EPM2A: variants seen among roughly 807,000 people sequenced by gnomAD.
EPM2A encodes the protein EPM2A glucan phosphatase, laforin.
A neutral mutation model predicts 26.5 loss-of-function variants in EPM2A; 21 were observed. The observed-to-expected ratio is 0.79, with a 90% CI of 0.56 to 1.14. EPM2A has a LOEUF of 1.14. Among genes scored for constraint, EPM2A ranks in the 50% most tolerant of loss-of-function variants. EPM2A has a pLI of 0.00. For missense variants in EPM2A, 458 were observed against 440.8 expected (o/e 1.04, Z -0.35); for synonymous variants, 217 against 177.6 (o/e 1.22, Z -1.76).
At chr6:145,554,823 A>G (rs1369100653) in intron 2 of EPM2A, among the ~76,000 whole-genome samples, 2 of 152,088 alleles carry the variant, frequency 1.3e-5, no homozygotes, top group Admixed American at 6.6e-5. Context: ...CATAGCTCAT[A>G]TGATTATAGG....
chr6:145,439,935 GT>G (rs1469892406), intron 4 of EPM2A, among the ~76,000 whole-genome samples: 1 of 152,148 alleles, frequency 6.6e-6, no homozygotes, highest in Non-Finnish European at 1.5e-5. Context: ...ATCTTTCAGA[GT>G]TTTTATAGAT....
chr6:145,495,811 G>A (rs1462711720), intron 4 of EPM2A, among the ~76,000 whole-genome samples: 9 of 152,268 alleles, frequency 5.9e-5, no homozygotes, highest in African/African-American at 7.2e-5. Flanking sequence ...TCCTGACCTC[G>A]TGATCTGCCC....
intron 2 of EPM2A, among the ~76,000 whole-genome samples, chr6:145,512,471 T>C (rs1780067496): frequency 6.6e-6 from 1 of 151,460 alleles, no homozygotes; most frequent in Admixed American, 6.6e-5. Context: ...TCCCAGCACT[T>C]TGGGAGCCAA....
In EPM2A at chr6:145,400,736, A is replaced by G. The variant is rs76021539; in HGVS notation, c.556-16639T>C. On this transcript the variant is annotated intron_variant, in intron 4 of 4. Transcript: ENST00000638717. ...ATGCATGTACATGACTTTCTATGTA[A>G]ATATTCATAGCTCCTCCTATAACCT... Among the ~76,000 whole-genome samples the G allele has an allele frequency of 1.9e-3, 284 of 152,316 alleles. 1 individual carries two copies. The highest frequency in any genetic ancestry group is 6.5e-3 in the African/African-American group (272 of 41,576).
rs1039433401 is a variant in EPM2A at position 145,455,762 on chromosome 6, T to G, written c.555+46760A>C. The stretch of plus-strand genomic sequence containing the variant: ...ATTCGTTGATAACAAGATAGTCATT[T>G]GTTTCATATTCTGAAGGTTTACTGG... On this transcript the variant is annotated intron_variant, in intron 4 of 4. Transcript: ENST00000638717. 2.0e-5 allele frequency among the ~76,000 whole-genome samples: 3 copies of G among 152,250 alleles called. No individual in the cohort carries two copies. The East Asian group carries it at 5.8e-4, about 29-fold the overall frequency.
At chr6:145,572,543 G>A (rs189732573) in intron 2 of EPM2A, among the ~76,000 whole-genome samples, 9 of 152,298 alleles carry the variant, frequency 5.9e-5, no homozygotes, top group Admixed American at 5.9e-4. Flanking sequence ...GTGACGTGAT[G>A]ACCCATATGC....
chr6:145,592,499 G>T (rs1340350249), intron 2 of EPM2A, among the ~76,000 whole-genome samples: 1 of 152,136 alleles, frequency 6.6e-6, no homozygotes, highest in African/African-American at 2.4e-5. Context: ...ATAGCAGCAT[G>T]ATTTATAATC....
chr6:145,677,337 G>A (rs1295502183), intron 2 of EPM2A, among the ~76,000 whole-genome samples: 2 of 152,140 alleles, frequency 1.3e-5, no homozygotes, highest in African/African-American at 4.8e-5. Context: ...TACTGAATGG[G>A]CAAAAATTGG....
chr6:145,600,537 T>C (rs781522061), intron 2 of EPM2A, among the ~76,000 whole-genome samples: 1 of 152,230 alleles, frequency 6.6e-6, no homozygotes, highest in Non-Finnish European at 1.5e-5. Flanking sequence ...TGTAGGTTAC[T>C]GGCAATGGTA....
Position 145,433,443 on chromosome 6 carries a change from A to G in EPM2A, c.556-49346T>C, listed in dbSNP as rs1778946998. The stretch of plus-strand genomic sequence containing the variant: ...TTCTTAGCTTTTCTTTTTATTCTGT[A>G]TACTCCTTTCATACCTTCTTTTGGA... On this transcript the variant is annotated intron_variant, in intron 4 of 4. Coordinates refer to the EPM2A transcript ENST00000638717. Among the ~76,000 whole-genome samples the G allele has an allele frequency of 5.3e-5, 8 of 152,060 alleles. 1 individual carries two copies. The highest frequency in any genetic ancestry group is 3.9e-4 in the Admixed American group (6 of 15,272).
At chr6:145,723,279 C>A (rs1338592024) in intron 1 of EPM2A, among the ~76,000 whole-genome samples, 1 of 152,030 alleles carries the variant, frequency 6.6e-6, no homozygotes, top group Admixed American at 6.6e-5. Flanking sequence ...AATATAAAAC[C>A]TCACCCAGAG....
chr6:145,455,385 T>C (rs551383401), intron 4 of EPM2A, among the ~76,000 whole-genome samples: 2 of 152,264 alleles, frequency 1.3e-5, no homozygotes, highest in East Asian at 3.9e-4. Flanking sequence ...TGAGACCGAG[T>C]CTCACTCTGT....
chr6:145,653,681 C>T (rs952549361), intron 2 of EPM2A, among the ~76,000 whole-genome samples: 5 of 152,262 alleles, frequency 3.3e-5, no homozygotes, highest in African/African-American at 1.2e-4. Flanking sequence ...AGCTGGAGAT[C>T]CAGGGAAGAG....
chr6:145,590,128 G>T (rs1352597654), intron 2 of EPM2A, among the ~76,000 whole-genome samples: 1 of 152,116 alleles, frequency 6.6e-6, no homozygotes, highest in Middle Eastern at 3.4e-3. Flanking sequence ...TTGACAACTT[G>T]CTGTAGACTA....
chr6:145,657,805 C>T (rs1338179632), intron 2 of EPM2A, among the ~76,000 whole-genome samples: 1 of 152,166 alleles, frequency 6.6e-6, no homozygotes, highest in Admixed American at 6.5e-5. Context: ...AAAAAATTAT[C>T]ATTTCACTTT....
chr6:145,692,034 G>C (rs962152882), intron 1 of EPM2A, among the ~76,000 whole-genome samples: 17 of 151,814 alleles, frequency 1.1e-4, no homozygotes, highest in African/African-American at 3.9e-4. Flanking sequence ...CATAGAAAAA[G>C]ATATACTATG....
intron 1 of EPM2A, among the ~76,000 whole-genome samples, chr6:145,732,236 TGC>T (rs1554269057): frequency 0.075 from 9,940 of 132,030 alleles, 496 homozygotes; most frequent in African/African-American, 0.14. Flanking sequence ...TGTGTGTGTG[TGC>T]GCGCCAAAGT....
At position 145,596,877 on chromosome 6, in the gene EPM2A, C is replaced by CTTTTTT. The variant is rs869211299; in HGVS notation, c.340+38362_340+38367dup. On this transcript the variant is annotated intron_variant, in intron 2 of 3. Coordinates refer to the EPM2A transcript ENST00000450221. ...ACGTTGTATATGCTCTCTCCGAGATCTTTTTTTTTTTTTTTTTTTTTTTTT... is the reference window on the plus strand; with the variant it reads ...ACGTTGTATATGCTCTCTCCGAGATCTTTTTTTTTTTTTTTTTTTTTTTTTTTTTTT... Among the ~76,000 whole-genome samples the CTTTTTT allele has an allele frequency of 8.2e-5, 6 of 73,528 alleles. 1 individual carries two copies. Among genetic ancestry groups the CTTTTTT allele is most frequent in the African/African-American group, 1.2e-4 (2 of 16,916 alleles). 48.2% of individuals were successfully genotyped at this position (73,528 alleles called of 152,430 possible). A position where few individuals can be genotyped will look rare whatever the true frequency, so the allele number is the denominator to read the frequency against.
chr6:145,507,374 G>A (rs1779990726), intron 2 of EPM2A, among the ~76,000 whole-genome samples: 2 of 152,206 alleles, frequency 1.3e-5, no homozygotes, highest in African/African-American at 2.4e-5. Context: ...GAGAAAGTGG[G>A]CAAGCAGCCC....
Sources: allele counts gnomAD v4.1 joint callset (sites outside exome capture counted in the v4.1 genomes callset), GRCh38; gene constraint gnomAD v4.1.1; transcripts MANE v1.5; gene names NCBI Gene and HGNC (gene_info 2026-07-23, HGNC 2026-07-21).